COX7B2: variants seen among roughly 807,000 people sequenced by gnomAD.
COX7B2 encodes the protein cytochrome c oxidase subunit 7B2, mitochondrial.
For synonymous variants in COX7B2, 37 were observed against 32.1 expected (o/e 1.15, Z -0.51); for missense variants, 109 against 95.9 (o/e 1.14, Z -0.57).
At chr4:46,886,094 C>A (rs529226872) in intron 1 of COX7B2, among the ~76,000 whole-genome samples, 1 of 152,096 alleles carries the variant, frequency 6.6e-6, no homozygotes, top group Non-Finnish European at 1.5e-5. Flanking sequence ...TCTGTACTTG[C>A]CCCAATGCCC....
rs181426541 is a variant in COX7B2 at position 46,778,747 on chromosome 4, G to C, written c.-49-43506C>G. ...ATCAATTAGTTCCATCAGTATTAAA[G>C]TATTTGCTAGTATTTTTAGCATCTG... On this transcript the variant is annotated intron_variant, in intron 2 of 2. Coordinates refer to ENST00000355591, the MANE Select transcript of COX7B2 (RefSeq NM_130902.3). Among the ~76,000 whole-genome samples the C allele has an allele frequency of 6.5e-4, 99 of 152,164 alleles. 1 individual carries two copies. The highest frequency in any genetic ancestry group is 4.2e-3 in the Admixed American group (64 of 15,286).
chr4:46,887,513 C>T (rs1180549265), intron 1 of COX7B2, among the ~76,000 whole-genome samples: 1 of 151,848 alleles, frequency 6.6e-6, no homozygotes, highest in Non-Finnish European at 1.5e-5. Flanking sequence ...AGATCGAGAC[C>T]ATCCTGGCTA....
At chr4:46,833,399 A>T (rs561205628) in intron 2 of COX7B2, among the ~76,000 whole-genome samples, 10 of 152,362 alleles carry the variant, frequency 6.6e-5, no homozygotes, top group African/African-American at 2.4e-4. Flanking sequence ...TTAGAAATAG[A>T]GATATAAATT....
Position 46,799,103 on chromosome 4 carries a change from T to C in COX7B2, c.-50+45857A>G, listed in dbSNP as rs190611517. Among the ~76,000 whole-genome samples, 6 of 152,306 alleles carry C rather than the reference T, an allele frequency of 3.9e-5. No individual in the cohort carries two copies. The East Asian group carries it at 1.2e-3, about 29-fold the overall frequency. ...CTGGTTAGCTGTATTCTGAAGGTTT[T>C]CTCTTTCTTGTGTGTGGCTATTGTG... On this transcript the variant is annotated intron_variant, in intron 2 of 2. Transcript: ENST00000355591.
chr4:46,777,093 TAGTA>T (rs1368192968), intron 2 of COX7B2, among the ~76,000 whole-genome samples: 2 of 152,290 alleles, frequency 1.3e-5, no homozygotes, highest in African/African-American at 4.8e-5. Context: ...ATATGTGTGT[TAGTA>T]AGCTCATGCC....
At chr4:46,754,728 G>GTGTATATATATATATATATATATA (rs1333586285) in intron 2 of COX7B2, among the ~76,000 whole-genome samples, 116 of 39,842 alleles carry the variant, frequency 2.9e-3, no homozygotes, top group East Asian at 0.015. Flanking sequence ...GTGTGTGTGT[G>GTGTATATATATATATATATATATA]TATATATATA....
intron 2 of COX7B2, among the ~76,000 whole-genome samples, chr4:46,789,725 C>A (rs1484141893): frequency 6.6e-6 from 1 of 152,102 alleles, no homozygotes; most frequent in Non-Finnish European, 1.5e-5. Flanking sequence ...CAAAGGAAGA[C>A]TAGTCGTTTT....
chr4:46,800,715 C>T (rs1249451952), intron 2 of COX7B2, among the ~76,000 whole-genome samples: 1 of 152,084 alleles, frequency 6.6e-6, no homozygotes, highest in Non-Finnish European at 1.5e-5. Flanking sequence ...ATGATGAAGA[C>T]TTAAAAAGCA....
At chr4:46,830,148 A>AC (rs1714969378) in intron 2 of COX7B2, among the ~76,000 whole-genome samples, 4 of 151,970 alleles carry the variant, frequency 2.6e-5, no homozygotes, top group African/African-American at 9.7e-5. Flanking sequence ...ACATGGTGAA[A>AC]CCCCGTCTGT....
At chr4:46,836,905 A>G (rs1436282272) in intron 2 of COX7B2, among the ~76,000 whole-genome samples, 1 of 152,140 alleles carries the variant, frequency 6.6e-6, no homozygotes, top group African/African-American at 2.4e-5. Context: ...TCACTGTCAC[A>G]TATGCAGCCT....
intron 2 of COX7B2, among the ~76,000 whole-genome samples, chr4:46,823,605 T>C (rs1714457907): frequency 6.6e-6 from 1 of 151,268 alleles, no homozygotes. Context: ...GGAATTCAGC[T>C]AAGGTGGTAT....
chr4:46,749,233 C>T (rs769052360), intron 2 of COX7B2, among the ~76,000 whole-genome samples: 3 of 152,110 alleles, frequency 2.0e-5, no homozygotes, highest in South Asian at 2.1e-4. Context: ...TCAGCTCCCT[C>T]GCAATATATA....
chr4:46,854,265 A>G (rs1716873087), intron 1 of COX7B2, among the ~76,000 whole-genome samples: 2 of 152,228 alleles, frequency 1.3e-5, no homozygotes, highest in Admixed American at 1.3e-4. Flanking sequence ...TTTATAAAAC[A>G]TGCAATAGAA....
chr4:46,782,049 G>A (rs59995778), intron 2 of COX7B2, among the ~76,000 whole-genome samples: 4,967 of 152,256 alleles, frequency 0.033, 196 homozygotes, highest in African/African-American at 0.098. Flanking sequence ...GTACGGGCAC[G>A]TGGCGCGGAC....
chr4:46,743,810 C>A (rs1714854604), intron 2 of COX7B2, among the ~76,000 whole-genome samples: 1 of 152,084 alleles, frequency 6.6e-6, no homozygotes, highest in Admixed American at 6.5e-5. Flanking sequence ...TTGCAGAACA[C>A]AATTAGGGGA....
chr4:46,759,865 G>C (rs533775622), intron 2 of COX7B2, among the ~76,000 whole-genome samples: 6 of 148,950 alleles, frequency 4.0e-5, no homozygotes, highest in African/African-American at 9.9e-5. Context: ...TCTTATATAA[G>C]TTATATAAGT....
intron 2 of COX7B2, among the ~76,000 whole-genome samples, chr4:46,773,070 A>C (rs544471713): frequency 7.0e-4 from 107 of 152,308 alleles, no homozygotes; most frequent in African/African-American, 2.5e-3. Flanking sequence ...AAATATACAT[A>C]TTCTCTGTTC....
At chr4:46,741,198 G>A (rs995441223) in intron 2 of COX7B2, among the ~76,000 whole-genome samples, 3 of 151,986 alleles carry the variant, frequency 2.0e-5, no homozygotes, top group African/African-American at 7.2e-5. Flanking sequence ...TTCTCACATT[G>A]CCCAGATATT....
intron 2 of COX7B2, among the ~76,000 whole-genome samples, chr4:46,736,946 T>C (rs1714403844): frequency 6.6e-6 from 1 of 152,166 alleles, no homozygotes; most frequent in Non-Finnish European, 1.5e-5. Flanking sequence ...TTTGTCTGAA[T>C]ATATTTTTAA....
Sources: allele counts gnomAD v4.1 joint callset (sites outside exome capture counted in the v4.1 genomes callset), GRCh38; gene constraint gnomAD v4.1.1; transcripts MANE v1.5; gene names NCBI Gene and HGNC (gene_info 2026-07-23, HGNC 2026-07-21).